PCDHA12: variants seen among roughly 807,000 people sequenced by gnomAD.
PCDHA12 encodes the protein protocadherin alpha-12.
In PCDHA12, 44 loss-of-function variants were observed where a neutral mutation model predicts 60.0. That is an observed-to-expected ratio of 0.73 (90% confidence interval 0.58 to 0.94). The LOEUF is 0.94. Among genes scored for constraint, PCDHA12 ranks in the 40% least tolerant of loss-of-function variants. The pLI is 0.00. For missense variants in PCDHA12, 1,276 were observed against 1,239.7 expected, an observed-to-expected ratio of 1.03 and a Z score of -0.44; for synonymous variants, 569 against 553.0, an observed-to-expected ratio of 1.03 and a Z score of -0.40.
intron 1 of PCDHA12, among the ~76,000 whole-genome samples, chr5:140,958,419 A>G (rs1275772647): frequency 6.6e-6 from 1 of 152,196 alleles, no homozygotes; most frequent in Non-Finnish European, 1.5e-5. Flanking sequence ...GCTTGGAAAG[A>G]AGCACTTTTT....
chr5:140,938,180 A>G (rs913967767), intron 1 of PCDHA12, among the ~76,000 whole-genome samples: 2 of 152,166 alleles, frequency 1.3e-5, no homozygotes, highest in Non-Finnish European at 2.9e-5. Flanking sequence ...TCCTGGGCTC[A>G]AGCAATCCTC....
chr5:140,915,453 A>G (rs963973003), intron 1 of PCDHA12, among the ~76,000 whole-genome samples: 13 of 152,232 alleles, frequency 8.5e-5, no homozygotes, highest in African/African-American at 2.9e-4. Context: ...AAGGTTTTCC[A>G]GAAGGTTTTT....
At chr5:140,916,714 G>C (rs1457405124) in intron 1 of PCDHA12, among the ~76,000 whole-genome samples, 1 of 152,172 alleles carries the variant, frequency 6.6e-6, no homozygotes, top group African/African-American at 2.4e-5. Context: ...CAGAAGGAAG[G>C]AGTGACTTTT....
chr5:140,980,395 G>T (rs182782153), intron 2 of PCDHA12, among the ~76,000 whole-genome samples: 4 of 152,316 alleles, frequency 2.6e-5, no homozygotes, highest in Non-Finnish European at 5.9e-5. Context: ...ACTTTGGGAG[G>T]CCGAGGTGGG....
At chr5:140,925,906 G>A (rs1181128933) in intron 1 of PCDHA12, among the ~76,000 whole-genome samples, 1 of 151,830 alleles carries the variant, frequency 6.6e-6, no homozygotes, top group Non-Finnish European at 1.5e-5. Context: ...ATCGTCAAGG[G>A]CCGTTTGCAA....
At chr5:141,009,482 C>T in intron 3 of PCDHA12, 145 bp from the exon 4 acceptor site, 1 of 1,446,086 alleles carries the variant, frequency 6.9e-7, no homozygotes, top group Non-Finnish European at 9.1e-7. Flanking sequence ...TAAACACTTG[C>T]CTTGCCCTCA....
chr5:140,891,756 G>A (rs782304941), intron 1 of PCDHA12, among the ~76,000 whole-genome samples: 20 of 152,144 alleles, frequency 1.3e-4, no homozygotes, highest in Non-Finnish European at 2.5e-4. Flanking sequence ...AACAGTGTTG[G>A]GAGGTGGGGA....
In PCDHA12 at chr5:140,935,562, C is replaced by T. The variant is rs180759633; in HGVS notation, c.2368-43387C>T. Among the ~76,000 whole-genome samples, 423 of 152,262 alleles carry T rather than the reference C, an allele frequency of 2.8e-3. 2 individuals carry two copies. The highest frequency in any genetic ancestry group is 0.014 in the Middle Eastern group (4 of 294). On this transcript the variant is annotated intron_variant, in intron 1 of 3. Transcript: ENST00000398631. Reference sequence around the variant, plus strand: ...TGTTTTAAAGTATCTTGGAAAAGTTCCTCTCTGTGTAGTTAAGCCACCAGC... The same window carrying T: ...TGTTTTAAAGTATCTTGGAAAAGTTTCTCTCTGTGTAGTTAAGCCACCAGC...
intron 1 of PCDHA12, among the ~76,000 whole-genome samples, chr5:140,895,632 A>T (rs2065081182): frequency 6.6e-6 from 1 of 152,052 alleles, no homozygotes; most frequent in South Asian, 2.1e-4. Context: ...GTCTTTTCAC[A>T]TTCTTTTTTA....
At chr5:140,924,895 AAAAAAAAAAATAAAATAAAATAAAAT>A (rs1157767234) in intron 1 of PCDHA12, among the ~76,000 whole-genome samples, 8 of 132,230 alleles carry the variant, frequency 6.1e-5, no homozygotes, top group East Asian at 2.1e-4. Flanking sequence ...AACCTGTCTC[AAAAAAAAAAATAAAATAAAATAAAAT>A]AAAATAAAAT....
intron 1 of PCDHA12, among the ~76,000 whole-genome samples, chr5:140,890,099 A>G (rs1301934861): frequency 2.0e-5 from 3 of 152,086 alleles, no homozygotes; most frequent in African/African-American, 7.2e-5. Context: ...TTTATTCCCA[A>G]CTCTGGATTC....
intron 1 of PCDHA12, among the ~76,000 whole-genome samples, chr5:140,954,973 G>T (rs781943510): frequency 7.9e-5 from 12 of 152,124 alleles, no homozygotes; most frequent in Non-Finnish European, 1.3e-4. Context: ...AAAGGGTCCA[G>T]TTTCAATTTT....
At chr5:140,911,437 G>A (rs530362672) in intron 1 of PCDHA12, among the ~76,000 whole-genome samples, 3 of 152,166 alleles carry the variant, frequency 2.0e-5, no homozygotes, top group East Asian at 3.9e-4. Context: ...CCAATTTCCC[G>A]CAATTTCAGC....
intron 3 of PCDHA12, among the ~76,000 whole-genome samples, chr5:141,003,915 C>T (rs2153979429): frequency 6.6e-6 from 1 of 152,298 alleles, no homozygotes; most frequent in African/African-American, 2.4e-5. Context: ...GTCTTGACTG[C>T]ATCCTCAGTC....
intron 2 of PCDHA12, 38 bp from the exon 3 acceptor site, chr5:140,982,437 A>G: frequency 6.2e-7 from 1 of 1,613,390 alleles, no homozygotes; most frequent in East Asian, 2.2e-5. Flanking sequence ...GAAAGAATTT[A>G]TGATCTAACC....
chr5:140,969,542 C>T, intron 1 of PCDHA12: 1 of 1,279,490 alleles, frequency 7.8e-7, no homozygotes, highest in South Asian at 1.6e-5. Flanking sequence ...TTTTCAGAGG[C>T]ATGAAGCCTT....
chr5:140,961,222 T>C (rs1335870319), intron 1 of PCDHA12, among the ~76,000 whole-genome samples: 1 of 152,118 alleles, frequency 6.6e-6, no homozygotes, highest in East Asian at 1.9e-4. Flanking sequence ...AGAAACTGGG[T>C]CCCAAAAAGG....
At chr5:140,985,086 T>C (rs564487119) in intron 3 of PCDHA12, among the ~76,000 whole-genome samples, 1 of 152,000 alleles carries the variant, frequency 6.6e-6, no homozygotes, top group Non-Finnish European at 1.5e-5. Context: ...TACAGGCGTG[T>C]GCCACCAAGC....
At chr5:140,899,702 G>A (rs2067498720) in intron 1 of PCDHA12, among the ~76,000 whole-genome samples, 1 of 152,228 alleles carries the variant, frequency 6.6e-6, no homozygotes, top group African/African-American at 2.4e-5. Flanking sequence ...CATAAAATGA[G>A]TTAGGGAGGA....
Sources: allele counts gnomAD v4.1 joint callset (sites outside exome capture counted in the v4.1 genomes callset), GRCh38; gene constraint gnomAD v4.1.1; transcripts MANE v1.5; gene names NCBI Gene and HGNC (gene_info 2026-07-23, HGNC 2026-07-21).